The following SLC16A13 variants were observed in gnomAD, a reference collection of about 807,000 sequenced individuals.
SLC16A13 encodes solute carrier family 16 member 13.
A neutral mutation model predicts 28.1 loss-of-function variants in SLC16A13; 28 were observed. That is an observed-to-expected ratio of 1.00 (90% CI 0.74 to 1.37). The LOEUF is 1.37. SLC16A13 is among the 40% of genes most tolerant of loss of function. The pLI, the probability that SLC16A13 is intolerant of heterozygous loss-of-function variation, is 0.00. For missense variants in SLC16A13, 482 were observed against 531.8 expected (o/e 0.91, Z 0.92); for synonymous variants, 228 against 241.6 (o/e 0.94, Z 0.52).
intron 2 of SLC16A13, among the ~76,000 whole-genome samples, chr17:7,037,712 C>T (rs567252570): frequency 1.4e-5 from 2 of 142,036 alleles, no homozygotes; most frequent in East Asian, 2.1e-4. Context: ...GGCGACAGAG[C>T]GAGACTCCGT....
At position 7,038,711 on chromosome 17, in the gene SLC16A13, T is replaced by C. The variant is rs144261582; in HGVS notation, c.903T>C (p.Ala301=). 3.3e-4 allele frequency: 533 copies of C among 1,614,112 alleles called. No homozygotes were observed. Among genetic ancestry groups the C allele is most frequent in the Non-Finnish European group, 2.7e-4 (324 of 1,180,012 alleles). ...TGVSLALFPV[A]QAPTALVALA... ...TGTCACTAGCCCTGTTCCCTGTAGCTCAGGCTCCCACAGCCCTGGTGGCTC... is the reference window on the plus strand; with the variant it reads ...TGTCACTAGCCCTGTTCCCTGTAGCCCAGGCTCCCACAGCCCTGGTGGCTC... Residue 301 remains alanine, a synonymous_variant, in exon 3 of 4, where the codon GCT becomes GCC. Transcript: ENST00000308027. This position sits in a 1 kb window ranked among gnomAD's most constrained non-coding sequence, Gnocchi z 5.7.
chr17:7,036,280 G>T lies in SLC16A13; in HGVS notation c.-103G>T. On this transcript the variant is annotated 5_prime_UTR_variant, in exon 1 of 4. Transcript: ENST00000308027. ...TCTACCTGCCTCTCCAACCCCTCTC[G>T]GCCCCGAGCCACCCGGCAGCGGGGG... 3 of 1,246,002 alleles carry T rather than the reference G, an allele frequency of 2.4e-6. No homozygotes were observed. In the South Asian group the frequency reaches 4.3e-5, roughly 18 times the overall value. The allele number at this position is 1,246,002 out of a possible 1,614,324, so 77.2% of individuals were successfully genotyped here.
In SLC16A13 at chr17:7,038,667, TG is replaced by T. The variant is rs1910645121; in HGVS notation, c.861del (p.Trp287Ter). On this transcript the variant is annotated frameshift_variant, in exon 3 of 4. Coordinates refer to ENST00000308027, the MANE Select transcript of SLC16A13 (RefSeq NM_201566.3). LOFTEE classifies it high-confidence loss of function. This position sits in a 1 kb window ranked among gnomAD's most constrained non-coding sequence, Gnocchi z 5.7. ...GCCTGTGACACGACTCCTGATGCTCTGGACCACCTTGACTGGGGTGTCACTA... is the reference window on the plus strand; with the variant it reads ...GCCTGTGACACGACTCCTGATGCTCTGACCACCTTGACTGGGGTGTCACTA... ...PGPVTRLLML[W>X]TTLTGVSLAL... 1 of 1,614,230 alleles carries T rather than the reference TG, an allele frequency of 6.2e-7. No homozygotes were observed. The highest frequency in any genetic ancestry group is 2.2e-5 in the East Asian group (1 of 44,886).
chr17:7,040,006 A>C lies in SLC16A13; in HGVS notation c.*44A>C, dbSNP rs1910680487. 6.4e-7 allele frequency: 1 copy of C among 1,567,638 alleles called. No individual in the cohort carries two copies. Among genetic ancestry groups the C allele is most frequent in the Non-Finnish European group, 8.7e-7 (1 of 1,146,154 alleles). On this transcript the variant is annotated 3_prime_UTR_variant, in exon 4 of 4. Coordinates refer to ENST00000308027, the MANE Select transcript of SLC16A13 (RefSeq NM_201566.3). ...CAGAAAGCCAAAGCTTGACAGCTCC[A>C]GGTCTTCTCTTGCCACGTCTTGGTC...
In SLC16A13 at chr17:7,036,599, A is replaced by G; in HGVS notation, c.199+18A>G. The G allele has an allele frequency of 6.2e-7, 1 of 1,612,042 alleles. No individual in the cohort carries two copies. The highest frequency in any genetic ancestry group is 8.5e-7 in the Non-Finnish European group (1 of 1,179,964). ...GTTTGGGAGTGAGTGCGGCGCCTGG[A>G]TCTGGCGGACTGCGACCCTCGGAAG... is the stretch of plus-strand genomic sequence containing the variant. On this transcript the variant is annotated intron_variant, in intron 1 of 3. Coordinates refer to ENST00000308027, the MANE Select transcript of SLC16A13 (RefSeq NM_201566.3).
chr17:7,036,245 G>A lies in SLC16A13; in HGVS notation c.-138G>A. 1.2e-6 allele frequency: 1 copy of A among 821,262 alleles called. No homozygotes were observed. Among genetic ancestry groups the A allele is most frequent in the South Asian group, 1.7e-5 (1 of 57,266 alleles). 50.9% of individuals were successfully genotyped at this position (821,262 alleles called of 1,614,324 possible). On this transcript the variant is annotated 5_prime_UTR_variant, in exon 1 of 4. Coordinates refer to ENST00000308027, the MANE Select transcript of SLC16A13 (RefSeq NM_201566.3). The stretch of plus-strand genomic sequence containing the variant: ...CAGGGGCCTCTCGCCGCCTCGTCGG[G>A]CCCTTCCTCTCTACCTGCCTCTCCA...
rs181076938 is a variant in SLC16A13 at position 7,036,483 on chromosome 17, T to C, written c.101T>C (p.Phe34Ser). ...CTTGTGTTTGGGGTGCTCCGCTCCT[T>C]TGGGGTCTTCTTCGTGGAGTTTGTG... ...SALVFGVLRS[F>S]GVFFVEFVAA... Residue 34 changes from phenylalanine to serine, a missense_variant, in exon 1 of 4, where the codon TTT becomes TCT. Coordinates refer to ENST00000308027, the MANE Select transcript of SLC16A13 (RefSeq NM_201566.3). 6.3e-5 allele frequency: 101 copies of C among 1,612,330 alleles called. No individual in the cohort carries two copies. In the African/African-American group the frequency reaches 1.3e-3, roughly 21 times the overall value.
chr17:7,036,226 C>T lies in SLC16A13; in HGVS notation c.-157C>T, dbSNP rs373346777. The T allele has an allele frequency of 5.1e-5, 35 of 684,076 alleles. No homozygotes were observed. The highest frequency in any genetic ancestry group is 4.6e-4 in the East Asian group (17 of 37,014). The allele number at this position is 684,076 out of a possible 1,614,324, so 42.4% of individuals were successfully genotyped here. The stretch of plus-strand genomic sequence containing the variant: ...CCCGCCTTGGGAAAAGGTGCAGGGG[C>T]CTCTCGCCGCCTCGTCGGGCCCTTC... On this transcript the variant is annotated 5_prime_UTR_variant, in exon 1 of 4. Coordinates refer to ENST00000308027, the MANE Select transcript of SLC16A13 (RefSeq NM_201566.3).
In SLC16A13 at chr17:7,038,140, C is replaced by T; in HGVS notation, c.344-12C>T. 1 of 1,604,502 alleles carries T rather than the reference C, an allele frequency of 6.2e-7. No homozygotes were observed. Among genetic ancestry groups the T allele is most frequent in the Non-Finnish European group, 8.5e-7 (1 of 1,174,990 alleles). On this transcript the variant is annotated splice_polypyrimidine_tract_variant and intron_variant, in intron 2 of 3. Transcript: ENST00000308027. This position sits in a 1 kb window ranked among gnomAD's most constrained non-coding sequence, Gnocchi z 5.7. ...CTAAGAGTTCTCAACACCACTTCTT[C>T]CTTTTTGACAGGCTCTGGCTGGGCT...
intron 2 of SLC16A13, among the ~76,000 whole-genome samples, chr17:7,037,341 C>CAAA (rs57010713): frequency 7.1e-5 from 3 of 41,996 alleles, no homozygotes; most frequent in African/African-American, 2.8e-4. Context: ...GATTCTGTCT[C>CAAA]AAAAAAAAAA....
rs762606917 is a variant in SLC16A13, at chr17:7,038,390, G to A, written c.582G>A (p.Leu194=). 1.9e-6 allele frequency: 3 copies of A among 1,614,048 alleles called. No homozygotes were observed. Among genetic ancestry groups the A allele is most frequent in the Admixed American group, 3.3e-5 (2 of 60,016 alleles). Residue 194 remains leucine (L), a synonymous_variant, in exon 3 of 4, where the codon CTG becomes CTA. Transcript: ENST00000308027. The surrounding 1 kb of genome is among the most constrained non-coding windows in gnomAD (Gnocchi z 5.7). ...ACGALLRPPS[L]AEDPAVGGPR... ...GTGCTCTCCTCCGCCCACCCTCCCT[G>A]GCTGAGGACCCTGCTGTGGGTGGTC...
At position 7,039,827 on chromosome 17, in the gene SLC16A13, T is replaced by C. The variant is rs1057316248; in HGVS notation, c.1146T>C (p.Leu382=). 62 of 1,614,060 alleles carry C rather than the reference T, an allele frequency of 3.8e-5. No homozygotes were observed. The highest frequency in any genetic ancestry group is 4.9e-5 in the Non-Finnish European group (58 of 1,180,042). Residue 382 remains leucine (L), a synonymous_variant, in exon 4 of 4, where the codon CTT becomes CTC. Coordinates refer to ENST00000308027, the MANE Select transcript of SLC16A13 (RefSeq NM_201566.3). The surrounding 1 kb of genome is among the most constrained non-coding windows in gnomAD (Gnocchi z 4.3). ...ASFVVAGAFL[L]SGSGILLTLP... ...TTGTGGTGGCTGGGGCCTTCCTTCT[T>C]TCAGGGAGTGGCATTCTCCTCACCC... is the stretch of plus-strand genomic sequence containing the variant.
Position 7,036,257 on chromosome 17 carries a change from T to C in SLC16A13, c.-126T>C, listed in dbSNP as rs1910575456. The C allele has an allele frequency of 1.1e-5, 10 of 948,132 alleles. No individual in the cohort carries two copies. Among genetic ancestry groups the C allele is most frequent in the Non-Finnish European group, 1.6e-5 (10 of 636,402 alleles). 58.7% of individuals were successfully genotyped at this position (948,132 alleles called of 1,614,324 possible). Reference sequence around the variant, plus strand: ...GCCGCCTCGTCGGGCCCTTCCTCTCTACCTGCCTCTCCAACCCCTCTCGGC... The same window carrying C: ...GCCGCCTCGTCGGGCCCTTCCTCTCCACCTGCCTCTCCAACCCCTCTCGGC... On this transcript the variant is annotated 5_prime_UTR_variant, in exon 1 of 4. Transcript: ENST00000308027.
chr17:7,038,874 G>T lies in SLC16A13; in HGVS notation c.1066G>T (p.Gly356Trp), dbSNP rs867691807. Residue 356 changes from glycine (G) to tryptophan (W), a missense_variant, in exon 3 of 4, where the codon GGG becomes TGG. Transcript: ENST00000308027. This position sits in a 1 kb window ranked among gnomAD's most constrained non-coding sequence, Gnocchi z 5.7. ...GATAGAGAGCATCGGGGGGCTGCTG[G>T]GGCCTCCTCTCTCAGGTAAGTGGAA... ...QMIESIGGLL[G>W]PPLSGYLRDV... The T allele has an allele frequency of 1.9e-6, 3 of 1,608,184 alleles. No homozygotes were observed. The Admixed American group carries it at 5.1e-5, about 27-fold the overall frequency.
rs1031690269 is a variant in SLC16A13 at position 7,038,040 on chromosome 17, G to C, written c.344-112G>C. ...GTATCCAAGCCAAGATTGTATCCCA[G>C]GTCTGTGGGACTCCGAAGCAAGTGC... On this transcript the variant is annotated intron_variant, in intron 2 of 3. Coordinates refer to ENST00000308027, the MANE Select transcript of SLC16A13 (RefSeq NM_201566.3). This position sits in a 1 kb window ranked among gnomAD's most constrained non-coding sequence, Gnocchi z 5.7. 1.6e-6 allele frequency: 2 copies of C among 1,276,562 alleles called. No individual in the cohort carries two copies. Among genetic ancestry groups the C allele is most frequent in the Admixed American group, 4.3e-5 (2 of 46,274 alleles). The allele number at this position is 1,276,562 out of a possible 1,614,324, so 79.1% of individuals were successfully genotyped here.
intron 2 of SLC16A13, among the ~76,000 whole-genome samples, chr17:7,037,558 C>G (rs981212336): frequency 2.0e-5 from 3 of 151,730 alleles, no homozygotes; most frequent in Non-Finnish European, 4.4e-5. Context: ...AATCACGTCT[C>G]TACTAAAAAC....
chr17:7,038,248 G>T lies in SLC16A13; in HGVS notation c.440G>T (p.Gly147Val), dbSNP rs781323358. 3 of 1,614,162 alleles carry T rather than the reference G, an allele frequency of 1.9e-6. No individual in the cohort carries two copies. Among genetic ancestry groups the T allele is most frequent in the East Asian group, 2.2e-5 (1 of 44,886 alleles). The change falls in exon 3 of 4, where the codon GGC becomes GTC. Residue 147 changes from glycine to valine, a missense_variant. Gly to Val is a moderately radical substitution (Grantham distance 109, BLOSUM62 -3). Coordinates refer to ENST00000308027, the MANE Select transcript of SLC16A13 (RefSeq NM_201566.3). This position sits in a 1 kb window ranked among gnomAD's most constrained non-coding sequence, Gnocchi z 5.7. The stretch of plus-strand genomic sequence containing the variant: ...CTGGCCACCGGGCTGGCACTGACAG[G>T]CGTGGGCCTCTCCTCCTTCACATTT... ...RSLATGLALTGVGLSSFTFAP... is the reference protein window; with the variant it reads ...RSLATGLALTVVGLSSFTFAP...
At chr17:7,037,329 A>G (rs112491881) in intron 2 of SLC16A13, among the ~76,000 whole-genome samples, 467 of 46,564 alleles carry the variant, frequency 0.01, no homozygotes, top group Middle Eastern at 0.091. Flanking sequence ...GCGACAGAGC[A>G]AGATTCTGTC....
rs2151669227 is a variant in SLC16A13, at chr17:7,039,506, C to T, written c.1082-257C>T. ...GCCACAGTTGCCAGAAAGAAAGGCA[C>T]AAGTATGCCTGACTCAATCTGGATC... On this transcript the variant is annotated intron_variant, in intron 3 of 3. Coordinates refer to ENST00000308027, the MANE Select transcript of SLC16A13 (RefSeq NM_201566.3). The surrounding 1 kb of genome is among the most constrained non-coding windows in gnomAD (Gnocchi z 4.3). Among the ~76,000 whole-genome samples the T allele has an allele frequency of 6.6e-6, 1 of 151,688 alleles. No individual in the cohort carries two copies. Among genetic ancestry groups the T allele is most frequent in the African/African-American group, 2.4e-5 (1 of 41,348 alleles).
Sources: gnomAD v4.1 joint callset for allele counts (sites outside exome capture counted in the v4.1 genomes callset) on GRCh38, gnomAD v4.1.1 for gene constraint, Gnocchi (gnomAD v3.1) non-coding constraint, MANE v1.5 for transcripts, NCBI Gene and HGNC (gene_info 2026-07-23, HGNC 2026-07-21) for gene names.